Variants in SHOX2 observed in about 807,000 individuals in gnomAD.
SHOX2 encodes the protein SHOX homeobox 2.
Under a neutral mutation model 31.3 loss-of-function variants are expected in SHOX2, and 13 were observed. The ratio of observed to expected loss-of-function variants is 0.42; its 90% CI spans 0.27 to 0.66. The LOEUF is 0.66. SHOX2 is among the 30% of genes least tolerant of loss of function. The pLI, the probability that SHOX2 is intolerant of heterozygous loss-of-function variation, is 0.27. For missense variants in SHOX2, 473 were observed against 443.0 expected (o/e 1.07, Z -0.61); for synonymous variants, 244 against 196.2 (o/e 1.24, Z -2.04).
At position 158,105,745 on chromosome 3, in the gene SHOX2, C is replaced by A. The variant is rs1435804480; in HGVS notation, c.280G>T (p.Val94Phe). Residue 94 changes from valine to phenylalanine, a missense_variant, in exon 1 of 5, where the codon GTC (valine) becomes TTC (phenylalanine). Val to Phe is a conservative substitution (Grantham distance 50). Coordinates refer to ENST00000483851, the MANE Select transcript of SHOX2 (RefSeq NM_001163678.2). ...GCGGCGCCCATGTCCAGCTCCCGGACGGGAGAGCGCCCTCCTCCAGCTCCT... is the reference window on the plus strand; with the variant it reads ...GCGGCGCCCATGTCCAGCTCCCGGAAGGGAGAGCGCCCTCCTCCAGCTCCT... ...GGGAGGGRSP[V>F]RELDMGAAER... The A allele has an allele frequency of 9.2e-6, 14 of 1,521,452 alleles. No individual in the cohort carries two copies. In the East Asian group the frequency reaches 3.3e-4, roughly 36 times the overall value. 94.2% of individuals were successfully genotyped at this position (1,521,452 alleles called of 1,614,324 possible). A position where few individuals can be genotyped will look rare whatever the true frequency, so the allele number is the denominator to read the frequency against.
At chr3:158,104,958 C>A in intron 1 of SHOX2, 1 of 744,124 alleles carries the variant, frequency 1.3e-6, no homozygotes, top group Non-Finnish European at 2.3e-6. Context: ...GATTTTTGCT[C>A]TAAGAGAACC....
At chr3:158,099,765 A>G (rs1279043539) in intron 4 of SHOX2, 95 bp downstream of exon 4, 1 of 889,292 alleles carries the variant, frequency 1.1e-6, no homozygotes, top group East Asian at 2.5e-5. Context: ...GCAGACATTG[A>G]CATCTGGGCT....
intron 1 of SHOX2, among the ~76,000 whole-genome samples, chr3:158,104,690 A>C (rs1713740934): frequency 1.3e-5 from 2 of 152,220 alleles, no homozygotes; most frequent in Admixed American, 6.5e-5. Context: ...AGACTTAATA[A>C]AATCTCTATT....
chr3:158,098,129 C>T lies in SHOX2; in HGVS notation c.858G>A (p.Ser286=), dbSNP rs770891499. The T allele has an allele frequency of 6.2e-7, 1 of 1,613,328 alleles. No individual in the cohort carries two copies. Among genetic ancestry groups the T allele is most frequent in the Non-Finnish European group, 8.5e-7 (1 of 1,179,584 alleles). ...TGGCGGCTGCTGCGGCCGCCACTAC[C>T]GAGGCGGCGGAAGCCGAATCCGCGG... is the stretch of plus-strand genomic sequence containing the variant. The part of the protein sequence containing the change: ...TLAADSASAA[S]VVAAAAAAKT... The change falls in exon 5 of 5, where the codon TCG becomes TCA. Residue 286 remains serine (S), a synonymous_variant. Coordinates refer to ENST00000483851, the MANE Select transcript of SHOX2 (RefSeq NM_001163678.2).
chr3:158,099,846 T>G lies in SHOX2; in HGVS notation c.702+14A>C, dbSNP rs1713379250. 6.3e-7 allele frequency: 1 copy of G among 1,596,928 alleles called. No individual in the cohort carries two copies. Among genetic ancestry groups the G allele is most frequent in the African/African-American group, 1.3e-5 (1 of 74,564 alleles). On this transcript the variant is annotated intron_variant, in intron 4 of 4. Coordinates refer to ENST00000483851, the MANE Select transcript of SHOX2 (RefSeq NM_001163678.2). ...TTCATATTTAAAAACAGCTTGAAAC[T>G]AGGCTGTACTTGCCTGCTGAAATGG... is the stretch of plus-strand genomic sequence containing the variant.
At chr3:158,105,032 G>T in intron 1 of SHOX2, 2 of 309,818 alleles carry the variant, frequency 6.5e-6, no homozygotes, top group Admixed American at 5.1e-5. Flanking sequence ...CTCCCCCGCC[G>T]CCCCCCCCCC....
intron 2 of SHOX2, among the ~76,000 whole-genome samples, chr3:158,101,431 G>A (rs776840858): frequency 6.6e-6 from 1 of 152,182 alleles, no homozygotes; most frequent in Non-Finnish European, 1.5e-5. Context: ...AATCATAACT[G>A]TAATAATTAT....
rs139911134 is a variant in SHOX2, at chr3:158,098,156, C to G, written c.831G>C (p.Leu277=). 10 of 1,613,490 alleles carry G rather than the reference C, an allele frequency of 6.2e-6. No homozygotes were observed. In the Admixed American group the frequency reaches 1.0e-4, roughly 16 times the overall value. The change falls in exon 5 of 5, where the codon CTG becomes CTC. Residue 277 remains leucine, a synonymous_variant. Coordinates refer to ENST00000483851, the MANE Select transcript of SHOX2 (RefSeq NM_001163678.2). ...APPFGLPLAT[L]AADSASAASV... is the part of the protein sequence containing the mutation. ...AGGCGGCGGAAGCCGAATCCGCGGC[C>G]AGCGTGGCGAGCGGCAGTCCGAAGG...
rs925041161 is a variant in SHOX2, at chr3:158,098,190, G to A, written c.797C>T (p.Pro266Leu). The A allele has an allele frequency of 1.2e-6, 2 of 1,613,714 alleles. No homozygotes were observed. ...GAGCGGCAGTCCGAAGGGCGGTGCTGGGAACATCATGTAGGGCGCGTGCGC... is the reference window on the plus strand; with the variant it reads ...GAGCGGCAGTCCGAAGGGCGGTGCTAGGAACATCATGTAGGGCGCGTGCGC... The part of the protein sequence containing the change: ...LAAHAPYMMF[P>L]APPFGLPLAT... Residue 266 changes from proline to leucine, a missense_variant, in exon 5 of 5, where the codon CCA becomes CTA. Pro to Leu is a moderately conservative substitution (Grantham distance 98, BLOSUM62 -3). Around this residue, in one of 3 missense-constraint regions of SHOX2, gnomAD observed 182 missense variants for 167.2 expected, o/e 1.09. Transcript: ENST00000483851.
At chr3:158,100,578 A>G (rs1559896064) in intron 2 of SHOX2, among the ~76,000 whole-genome samples, 2 of 152,230 alleles carry the variant, frequency 1.3e-5, no homozygotes, top group Non-Finnish European at 2.9e-5. Context: ...CAGAGTCCCC[A>G]TGGCCTAAAA....
intron 1 of SHOX2, chr3:158,103,531 G>C (rs978982022): frequency 6.4e-6 from 1 of 155,804 alleles, no homozygotes; most frequent in Non-Finnish European, 1.4e-5. Flanking sequence ...CCCTGGGCTC[G>C]GGCCAAACCC....
intron 1 of SHOX2, chr3:158,103,212 A>C: frequency 2.3e-6 from 1 of 436,942 alleles, no homozygotes; most frequent in African/African-American, 2.0e-5. Flanking sequence ...CAAACACCAA[A>C]TGGTTTCCAC....
intron 2 of SHOX2, among the ~76,000 whole-genome samples, chr3:158,102,415 G>A (rs959036058): frequency 6.6e-6 from 1 of 151,338 alleles, no homozygotes; most frequent in Admixed American, 6.6e-5. Context: ...AGGGGGGTGT[G>A]GTTTATAGAA....
Position 158,098,286 on chromosome 3 carries a change from T to C in SHOX2, c.703-2A>G. 1.2e-6 allele frequency: 2 copies of C among 1,613,406 alleles called. No homozygotes were observed. Among genetic ancestry groups the C allele is most frequent in the South Asian group, 1.1e-5 (1 of 90,950 alleles). ...GTCCAGCTGCAGCTGCGCCTGAACC[T>C]GAAAGGACAAGGGCGTCACGTTGCA... On this transcript the variant is annotated splice_acceptor_variant, in intron 4 of 4. Coordinates refer to ENST00000483851, the MANE Select transcript of SHOX2 (RefSeq NM_001163678.2). LOFTEE classifies it high-confidence loss of function.
Position 158,102,864 on chromosome 3 carries a change from G to T in SHOX2, c.369C>A (p.Arg123=), listed in dbSNP as rs529969346. Residue 123 remains arginine, a synonymous_variant, in exon 2 of 5, where the codon CGC becomes CGA. Transcript: ENST00000483851. ...LTEVSPELKD[R]KEDAKGMEDE... ...CCTCCATCCCTTTCGCATCCTCTTT[G>T]CGATCTTTCAGCTCCGGGGACACTG... 6.2e-7 allele frequency: 1 copy of T among 1,613,940 alleles called. No homozygotes were observed. Among genetic ancestry groups the T allele is most frequent in the African/African-American group, 1.3e-5 (1 of 74,952 alleles).
chr3:158,102,734 C>T lies in SHOX2; in HGVS notation c.499G>A (p.Ala167Thr). 6.2e-7 allele frequency: 1 copy of T among 1,614,132 alleles called. No individual in the cohort carries two copies. Among genetic ancestry groups the T allele is most frequent in the Non-Finnish European group, 8.5e-7 (1 of 1,180,040 alleles). The change falls in exon 2 of 5, where the codon GCC (alanine) becomes ACC (threonine). Residue 167 changes from alanine to threonine, a missense_variant. Physicochemically the swap from Ala to Thr is moderately conservative, Grantham distance 58. Around this residue, in one of 3 missense-constraint regions of SHOX2, gnomAD observed 15 missense variants for 45.8 expected, o/e 0.33. Coordinates refer to ENST00000483851, the MANE Select transcript of SHOX2 (RefSeq NM_001163678.2). ...TGGCTCAGTTCCTCTCGCATGAAGG[C>T]GTCGGGATAGTGGGTCTCGTCAAAA... Reference protein sequence around the residue: ...RLFDETHYPDAFMREELSQRL... With the variant: ...RLFDETHYPDTFMREELSQRL...
rs561518286 is a variant in SHOX2 at position 158,105,878 on chromosome 3, G to A, written c.147C>T (p.Asp49=). ...CCCGGACTGCCGGGCTGCTGCGGTC[G>A]TCGCGGCCCGCCTCGGTGCAGCCGG... ...EPTGCTEAGR[D]DRSSPAVRAA... The change falls in exon 1 of 5, where the codon GAC becomes GAT. Residue 49 remains aspartate, a synonymous_variant. Coordinates refer to ENST00000483851, the MANE Select transcript of SHOX2 (RefSeq NM_001163678.2). 2.0e-6 allele frequency: 3 copies of A among 1,534,248 alleles called. No homozygotes were observed. The highest frequency in any genetic ancestry group is 1.2e-5 in the South Asian group (1 of 82,442).
chr3:158,103,343 C>T (rs1713636211), intron 1 of SHOX2: 2 of 226,032 alleles, frequency 8.8e-6, no homozygotes, highest in South Asian at 6.0e-5. Flanking sequence ...CCTCTCACAC[C>T]GGCCATTCCC....
rs908586542 is a variant in SHOX2, at chr3:158,105,798, C to G, written c.227G>C (p.Gly76Ala). The change falls in exon 1 of 5, where the codon GGA becomes GCA. Residue 76 changes from glycine to alanine, a missense_variant. Gly to Ala is a moderately conservative substitution (Grantham distance 60). Around this residue, in one of 3 missense-constraint regions of SHOX2, gnomAD observed 276 missense variants for 230.0 expected, o/e 1.20. Transcript: ENST00000483851. ...GGGGGGGGGG[G>A]GVGGGGAGGG... Reference sequence around the variant, plus strand: ...GCCTGCTCCTCCTCCTCCTACACCTCCTCCGCCTCCTCCGCCGCCGCCTCC... The same window carrying G: ...GCCTGCTCCTCCTCCTCCTACACCTGCTCCGCCTCCTCCGCCGCCGCCTCC... 7 of 1,478,698 alleles carry G rather than the reference C, an allele frequency of 4.7e-6. No homozygotes were observed. In the Admixed American group the frequency reaches 8.0e-5, roughly 17 times the overall value. The allele number at this position is 1,478,698 out of a possible 1,614,324, so 91.6% of individuals were successfully genotyped here. A position where few individuals can be genotyped will look rare whatever the true frequency, so the allele number is the denominator to read the frequency against.
Sources: allele counts gnomAD v4.1 joint callset (sites outside exome capture counted in the v4.1 genomes callset), GRCh38; gene constraint gnomAD v4.1.1; regional missense constraint gnomAD v4.1.1; transcripts MANE v1.5; gene names NCBI Gene and HGNC (gene_info 2026-07-23, HGNC 2026-07-21).